L3MBTL4: variants seen among roughly 807,000 people sequenced by gnomAD.
L3MBTL4 encodes the protein lethal(3)malignant brain tumor-like protein 4.
A neutral mutation model predicts 84.5 loss-of-function variants in L3MBTL4; 70 were observed. That is an observed-to-expected ratio of 0.83 (90% CI 0.68 to 1.01). The LOEUF (loss-of-function observed/expected upper bound fraction) is 1.01, where lower values mean the gene tolerates loss of function less well. L3MBTL4 is among the 50% of genes least tolerant of loss of function. The probability of loss-of-function intolerance (pLI) is 0.00; values close to 1 mark genes in which losing one functional copy is unlikely to be tolerated. For synonymous variants in L3MBTL4, 274 were observed against 259.8 expected, an observed-to-expected ratio of 1.05 and a Z score of -0.52; for missense variants, 715 against 754.8, an observed-to-expected ratio of 0.95 and a Z score of 0.62.
intron 4 of L3MBTL4, among the ~76,000 whole-genome samples, chr18:6,292,939 C>T (rs2146719364): frequency 6.6e-6 from 1 of 152,244 alleles, no homozygotes; most frequent in African/African-American, 2.4e-5. Context: ...TTCCCCAAAA[C>T]TTTACTAGTG....
intron 12 of L3MBTL4, among the ~76,000 whole-genome samples, chr18:6,198,353 A>G (rs557725642): frequency 1.3e-5 from 2 of 152,330 alleles, no homozygotes; most frequent in South Asian, 4.1e-4. Context: ...AGAGAAAGAG[A>G]GAACACTACA....
At chr18:6,195,565 A>T (rs2045338130) in intron 12 of L3MBTL4, among the ~76,000 whole-genome samples, 1 of 152,242 alleles carries the variant, frequency 6.6e-6, no homozygotes, top group African/African-American at 2.4e-5. Flanking sequence ...CTGTTGGAGG[A>T]ACATGCACAC....
chr18:6,203,508 G>A (rs2045737463), intron 12 of L3MBTL4, among the ~76,000 whole-genome samples: 1 of 152,174 alleles, frequency 6.6e-6, no homozygotes, highest in African/African-American at 2.4e-5. Flanking sequence ...ATTGAGTTGG[G>A]AGAGCCTGAT....
intron 16 of L3MBTL4, among the ~76,000 whole-genome samples, chr18:5,975,761 G>A (rs9957452): frequency 0.41 from 62,327 of 152,030 alleles, 13,709 homozygotes; most frequent in East Asian, 0.53. Context: ...TTTCCGTATG[G>A]GAACAGGAGC....
chr18:6,008,009 A>G (rs1195597900), intron 16 of L3MBTL4, among the ~76,000 whole-genome samples: 2 of 152,242 alleles, frequency 1.3e-5, no homozygotes, highest in Non-Finnish European at 2.9e-5. Context: ...CAAAAATCAA[A>G]TTAAAAAGGC....
chr18:6,382,323 C>T (rs1224277719), intron 1 of L3MBTL4, among the ~76,000 whole-genome samples: 1 of 152,148 alleles, frequency 6.6e-6, no homozygotes, highest in Admixed American at 6.5e-5. Flanking sequence ...CCTTCTGAAG[C>T]CTACTTCTGT....
chr18:6,258,599 G>T (rs1421694146), intron 5 of L3MBTL4: 1 of 152,290 alleles, frequency 6.6e-6, no homozygotes, highest in South Asian at 2.1e-4. Flanking sequence ...GGACAGAAAA[G>T]TCTGGAAAGA....
chr18:5,992,419 G>T (rs1222632474), intron 16 of L3MBTL4, among the ~76,000 whole-genome samples: 2 of 152,170 alleles, frequency 1.3e-5, no homozygotes, highest in Admixed American at 6.5e-5. Context: ...ACAGTGTGGG[G>T]CATGAGGCTG....
Position 6,006,708 on chromosome 18 carries a change from C to G in L3MBTL4, c.1445-37146G>C, listed in dbSNP as rs572204680. Among the ~76,000 whole-genome samples, 42 of 152,202 alleles carry G rather than the reference C, an allele frequency of 2.8e-4. 1 individual carries two copies. Among genetic ancestry groups the G allele is most frequent in the African/African-American group, 9.9e-4 (41 of 41,540 alleles). ...ACAACTGATCTAGCAGATATTAAAG[C>G]ATGTTAAGAAACTTCAATAGTTAAA... On this transcript the variant is annotated intron_variant, in intron 16 of 18. Transcript: ENST00000317931.
chr18:6,046,914 T>G (rs1598552201), intron 16 of L3MBTL4, among the ~76,000 whole-genome samples: 1 of 152,020 alleles, frequency 6.6e-6, no homozygotes. Flanking sequence ...AGAGCAGAAC[T>G]GAACAAAATT....
chr18:6,388,181 A>G (rs1261772411), intron 1 of L3MBTL4, among the ~76,000 whole-genome samples: 1 of 152,228 alleles, frequency 6.6e-6, no homozygotes, highest in Non-Finnish European at 1.5e-5. Flanking sequence ...TCAACATAAA[A>G]AAATGCAAGT....
intron 4 of L3MBTL4, among the ~76,000 whole-genome samples, chr18:6,286,074 C>T (rs2049570388): frequency 6.6e-6 from 1 of 151,778 alleles, no homozygotes; most frequent in African/African-American, 2.4e-5. Context: ...TCGTGATCCG[C>T]CCGCCTCGGC....
chr18:5,968,141 A>T (rs2052445560), intron 17 of L3MBTL4, among the ~76,000 whole-genome samples: 1 of 152,198 alleles, frequency 6.6e-6, no homozygotes, highest in Non-Finnish European at 1.5e-5. Flanking sequence ...ACTTAAACCA[A>T]GATTAAGCTG....
chr18:6,083,039 A>G (rs1225000777), intron 15 of L3MBTL4, among the ~76,000 whole-genome samples: 2 of 152,172 alleles, frequency 1.3e-5, no homozygotes, highest in Non-Finnish European at 2.9e-5. Context: ...AACCTGCCCC[A>G]TCTTGGGCAC....
chr18:6,281,284 A>T (rs1267716203), intron 4 of L3MBTL4, among the ~76,000 whole-genome samples: 1 of 152,228 alleles, frequency 6.6e-6, no homozygotes, highest in African/African-American at 2.4e-5. Flanking sequence ...TACAAAACAA[A>T]GCATCCATAG....
At chr18:6,369,782 G>A (rs2054082104) in intron 1 of L3MBTL4, among the ~76,000 whole-genome samples, 1 of 152,152 alleles carries the variant, frequency 6.6e-6, no homozygotes, top group Non-Finnish European at 1.5e-5. Flanking sequence ...AATAGCCCAG[G>A]TGCAAAGTAA....
At chr18:5,974,376 G>C (rs900555819) in intron 16 of L3MBTL4, among the ~76,000 whole-genome samples, 9 of 152,138 alleles carry the variant, frequency 5.9e-5, no homozygotes, top group Non-Finnish European at 1.0e-4. Context: ...AGCACTCAGA[G>C]AGGAGTAACC....
intron 1 of L3MBTL4, among the ~76,000 whole-genome samples, chr18:6,382,987 C>T (rs1366602289): frequency 1.3e-5 from 2 of 151,546 alleles, no homozygotes; most frequent in Admixed American, 6.6e-5. Context: ...TGGGGCTTTG[C>T]GTTTTTTTTC....
intron 16 of L3MBTL4, among the ~76,000 whole-genome samples, chr18:6,070,080 T>A (rs2057534595): frequency 6.6e-6 from 1 of 152,092 alleles, no homozygotes; most frequent in South Asian, 2.1e-4. Context: ...TAAGAAAGTC[T>A]AATATATTCG....
Sources: allele counts gnomAD v4.1 joint callset (sites outside exome capture counted in the v4.1 genomes callset), GRCh38; gene constraint gnomAD v4.1.1; transcripts MANE v1.5; gene names NCBI Gene and HGNC (gene_info 2026-07-23, HGNC 2026-07-21).